Variants in BTRC observed in about 807,000 individuals in gnomAD.
The protein encoded by BTRC is beta-transducin repeat containing E3 ubiquitin protein ligase.
In BTRC, 42 loss-of-function variants were observed where a neutral mutation model predicts 85.5. The observed-to-expected ratio is 0.49, with a 90% CI of 0.38 to 0.64. The LOEUF (loss-of-function observed/expected upper bound fraction) is 0.64, where lower values mean the gene tolerates loss of function less well. Ranked by LOEUF, BTRC falls within the 30% of genes least tolerant of loss-of-function variation. BTRC has a pLI of 0.00. For synonymous variants in BTRC, 255 were observed against 263.3 expected, an observed-to-expected ratio of 0.97 and a Z score of 0.30; for missense variants, 594 against 743.5, an observed-to-expected ratio of 0.80 and a Z score of 2.34.
rs144158045 is a variant in BTRC at position 101,451,639 on chromosome 10, A to G, written c.157-10342A>G. Among the ~76,000 whole-genome samples the G allele has an allele frequency of 2.6e-3, 401 of 152,258 alleles. 2 individuals are homozygous for G. The highest frequency in any genetic ancestry group is 3.9e-3 in the Non-Finnish European group (263 of 68,024). ...ACAAGTGTTTGCCTGCATAGACAAT[A>G]TATTTTTTCCCCCCTGAGGTCCCCA... On this transcript the variant is annotated intron_variant, in intron 2 of 14. Transcript: ENST00000370187.
At chr10:101,515,226 G>T (rs2134344788) in intron 4 of BTRC, among the ~76,000 whole-genome samples, 1 of 152,282 alleles carries the variant, frequency 6.6e-6, no homozygotes, top group African/African-American at 2.4e-5. Flanking sequence ...AAAGTGCTGG[G>T]ATTACAGGTG....
At chr10:101,408,648 ATT>A (rs1943693944) in intron 1 of BTRC, among the ~76,000 whole-genome samples, 1 of 151,972 alleles carries the variant, frequency 6.6e-6, no homozygotes, top group South Asian at 2.1e-4. Context: ...TTTTGGATTT[ATT>A]TTTTGTTACT....
At chr10:101,488,228 T>TA (rs1343672234) in intron 4 of BTRC, among the ~76,000 whole-genome samples, 1 of 152,218 alleles carries the variant, frequency 6.6e-6, no homozygotes, top group African/African-American at 2.4e-5. Context: ...TTGAGTTATT[T>TA]AAAAGAGGAG....
intron 8 of BTRC, among the ~76,000 whole-genome samples, 190 bp from the exon 9 acceptor site, chr10:101,532,762 G>GTC (rs2062308348): frequency 1.4e-5 from 1 of 70,124 alleles, no homozygotes; most frequent in Non-Finnish European, 2.4e-5. Context: ...GTGTGTGTGT[G>GTC]TGTGTGTGTG....
chr10:101,532,789 T>TGTGCGC (rs57980548), intron 8 of BTRC, among the ~76,000 whole-genome samples, 163 bp from the exon 9 acceptor site: 8 of 78,230 alleles, frequency 1.0e-4, no homozygotes, highest in African/African-American at 3.3e-4. Context: ...TGTGTGTGTG[T>TGTGCGC]GCGCGTGTGC....
At chr10:101,359,826 C>A (rs1942150335) in intron 1 of BTRC, among the ~76,000 whole-genome samples, 1 of 152,038 alleles carries the variant, frequency 6.6e-6, no homozygotes, top group Non-Finnish European at 1.5e-5. Context: ...TCTCGAACTC[C>A]CAACCTCAGG....
At chr10:101,549,662 T>G (rs985036251) in intron 13 of BTRC, among the ~76,000 whole-genome samples, 1 of 125,412 alleles carries the variant, frequency 8.0e-6, no homozygotes, top group African/African-American at 3.1e-5. Flanking sequence ...TGCGGTGAGC[T>G]GAGATGGCAC....
rs183560369 is a variant in BTRC at position 101,454,723 on chromosome 10, A to G, written c.157-7258A>G. Among the ~76,000 whole-genome samples the G allele has an allele frequency of 2.5e-3, 380 of 152,296 alleles. 3 individuals are homozygous for G. Among genetic ancestry groups the G allele is most frequent in the African/African-American group, 8.5e-3 (353 of 41,564 alleles). ...CTTGAGCCCAGGAGTTGGAGGTTAC[A>G]AGGAGCTATGATCATGTCATTACAC... On this transcript the variant is annotated intron_variant, in intron 2 of 14. Transcript: ENST00000370187.
intron 2 of BTRC, among the ~76,000 whole-genome samples, chr10:101,434,919 G>A (rs553117394): frequency 2.0e-5 from 3 of 151,940 alleles, no homozygotes; most frequent in African/African-American, 7.2e-5. Context: ...ACTGGCATGA[G>A]CCACTGCACC....
At chr10:101,507,787 G>A (rs892055724) in intron 4 of BTRC, among the ~76,000 whole-genome samples, 6 of 152,136 alleles carry the variant, frequency 3.9e-5, no homozygotes, top group African/African-American at 1.2e-4. Context: ...GAGGCACCCC[G>A]GGTATGTCTG....
At chr10:101,365,555 A>G (rs1033071151) in intron 1 of BTRC, among the ~76,000 whole-genome samples, 1 of 151,136 alleles carries the variant, frequency 6.6e-6, no homozygotes, top group African/African-American at 2.4e-5. Context: ...AGCTCACTGC[A>G]ACCTCTGCCT....
At chr10:101,528,395 A>C (rs1007290263) in intron 6 of BTRC, among the ~76,000 whole-genome samples, 2 of 152,204 alleles carry the variant, frequency 1.3e-5, no homozygotes, top group African/African-American at 4.8e-5. Context: ...AATCATTGAG[A>C]AGATGGCTTT....
chr10:101,372,415 C>T (rs1294265951), intron 1 of BTRC, among the ~76,000 whole-genome samples: 4 of 150,386 alleles, frequency 2.7e-5, no homozygotes, highest in Non-Finnish European at 4.4e-5. Context: ...CCACCACGCC[C>T]GGCTAATTTT....
chr10:101,507,883 G>A (rs1308392085), intron 4 of BTRC, among the ~76,000 whole-genome samples: 2 of 152,030 alleles, frequency 1.3e-5, no homozygotes, highest in Non-Finnish European at 2.9e-5. Flanking sequence ...ATCCTTTTAA[G>A]GTGGCACTAT....
At chr10:101,383,057 A>ATTTTTTTTTTTTTTTTT (rs370353886) in intron 1 of BTRC, among the ~76,000 whole-genome samples, 3 of 116,516 alleles carry the variant, frequency 2.6e-5, no homozygotes, top group African/African-American at 3.6e-5. Context: ...TTCCCTGGAG[A>ATTTTTTTTTTTTTTTTT]TTTTTTTTTT....
chr10:101,426,746 ATATTT>A (rs1204696263), intron 1 of BTRC, among the ~76,000 whole-genome samples: 1 of 152,206 alleles, frequency 6.6e-6, no homozygotes, highest in Non-Finnish European at 1.5e-5. Flanking sequence ...ATAAATATGT[ATATTT>A]TAATTTTAAA....
At chr10:101,457,341 T>A (rs1945108613) in intron 2 of BTRC, among the ~76,000 whole-genome samples, 1 of 152,140 alleles carries the variant, frequency 6.6e-6, no homozygotes, top group Non-Finnish European at 1.5e-5. Flanking sequence ...GCCATGAAGA[T>A]GTTGGTGGTG....
At chr10:101,368,401 G>T (rs1218020846) in intron 1 of BTRC, among the ~76,000 whole-genome samples, 3 of 148,576 alleles carry the variant, frequency 2.0e-5, no homozygotes, top group African/African-American at 7.5e-5. Flanking sequence ...CCACCCTCAG[G>T]TATTCCATTA....
At chr10:101,518,964 A>T (rs1306023899) in intron 4 of BTRC, among the ~76,000 whole-genome samples, 3 of 151,970 alleles carry the variant, frequency 2.0e-5, no homozygotes, top group Non-Finnish European at 4.4e-5. Context: ...GAAGTGTGGC[A>T]CATAGTGGCT....
Sources: gnomAD v4.1 joint callset for allele counts (sites outside exome capture counted in the v4.1 genomes callset) on GRCh38, gnomAD v4.1.1 for gene constraint, MANE v1.5 for transcripts, NCBI Gene and HGNC (gene_info 2026-07-23, HGNC 2026-07-21) for gene names.